The following FAM149B1 variants were observed in gnomAD, a reference collection of about 807,000 sequenced individuals.
FAM149B1 encodes family with sequence similarity 149 member B1.
FAM149B1 carries 56 observed loss-of-function variants against 75.3 expected under a neutral mutation model. That is an observed-to-expected ratio of 0.74 (90% CI 0.60 to 0.93). The LOEUF is 0.93. Among genes scored for constraint, FAM149B1 ranks in the 40% least tolerant of loss-of-function variants. FAM149B1 has a pLI of 0.00. For synonymous variants in FAM149B1, 259 were observed against 256.1 expected, an observed-to-expected ratio of 1.01 and a Z score of -0.11; for missense variants, 639 against 708.4, an observed-to-expected ratio of 0.90 and a Z score of 1.11.
chr10:73,228,112 G>A lies in FAM149B1; in HGVS notation c.951G>A (p.Val317=), dbSNP rs1589188072. Residue 317 remains valine, a synonymous_variant, in exon 8 of 14, where the codon GTG becomes GTA. Transcript: ENST00000242505. ...GACCCGATTCAGAAAGTTCCTGTGT[G>A]CTGAGTGAACTACATCCTTTGGTGT... ...VTRPDSESSC[V]LSELHPLVLP... is the part of the protein sequence containing the mutation. 1.3e-6 allele frequency: 2 copies of A among 1,551,304 alleles called. No individual in the cohort carries two copies. The highest frequency in any genetic ancestry group is 1.7e-6 in the Non-Finnish European group (2 of 1,146,602).
intron 3 of FAM149B1, among the ~76,000 whole-genome samples, chr10:73,184,732 A>G (rs1171364481): frequency 1.3e-5 from 2 of 152,216 alleles, no homozygotes; most frequent in Non-Finnish European, 2.9e-5. Context: ...ACTGAAAGAA[A>G]AGGGAAAAGC....
chr10:73,206,115 T>C (rs1415856323), intron 5 of FAM149B1, among the ~76,000 whole-genome samples: 7 of 152,138 alleles, frequency 4.6e-5, no homozygotes, highest in Admixed American at 2.6e-4. Flanking sequence ...CAGAAGGAAA[T>C]GAGGAACTTA....
chr10:73,212,568 G>A (rs2043208086), intron 7 of FAM149B1, among the ~76,000 whole-genome samples: 1 of 152,090 alleles, frequency 6.6e-6, no homozygotes, highest in South Asian at 2.1e-4. Context: ...GAGCCACTGC[G>A]CCTGGCTGTA....
intron 5 of FAM149B1, among the ~76,000 whole-genome samples, chr10:73,207,174 C>G (rs2043083915): frequency 6.6e-6 from 1 of 152,164 alleles, no homozygotes; most frequent in Non-Finnish European, 1.5e-5. Context: ...CACACAATTC[C>G]CACTGGGGCA....
At chr10:73,223,734 GT>G (rs11433486) in intron 7 of FAM149B1, among the ~76,000 whole-genome samples, 15,590 of 145,866 alleles carry the variant, frequency 0.11, 1,137 homozygotes, top group East Asian at 0.31. Flanking sequence ...TGTGTGTTAG[GT>G]TTTTTTTTTT....
At chr10:73,213,307 C>T (rs1468148606) in intron 7 of FAM149B1, among the ~76,000 whole-genome samples, 1 of 152,112 alleles carries the variant, frequency 6.6e-6, no homozygotes. Flanking sequence ...ATTTCTTTTG[C>T]TATGCAGAAG....
At chr10:73,203,167 G>A (rs2042979427) in intron 5 of FAM149B1, among the ~76,000 whole-genome samples, 1 of 152,146 alleles carries the variant, frequency 6.6e-6, no homozygotes, top group African/African-American at 2.4e-5. Flanking sequence ...CATGATATTC[G>A]CTTTCCACGT....
rs143979703 is a variant in FAM149B1 at position 73,213,404 on chromosome 10, A to G, written c.898+2966A>G. 3.3e-5 allele frequency among the ~76,000 whole-genome samples: 5 copies of G among 152,184 alleles called. No individual in the cohort carries two copies. The East Asian group carries it at 9.6e-4, about 29-fold the overall frequency. ...ACTTGGTCTTAAATTCTTTGCCTGG[A>G]CAATGTCCAGAAGACTTTTTCCTAG... On this transcript the variant is annotated intron_variant, in intron 7 of 13. Coordinates refer to ENST00000242505, the MANE Select transcript of FAM149B1 (RefSeq NM_173348.2).
intron 12 of FAM149B1, among the ~76,000 whole-genome samples, chr10:73,236,469 A>T (rs1428695750): frequency 7.0e-6 from 1 of 142,634 alleles, no homozygotes; most frequent in South Asian, 2.2e-4. Context: ...GGTGGAGTGT[A>T]ATGGCGCAAT....
At chr10:73,169,700 G>A (rs1176484948) in intron 1 of FAM149B1, among the ~76,000 whole-genome samples, 6 of 152,142 alleles carry the variant, frequency 3.9e-5, no homozygotes, top group African/African-American at 1.4e-4. Flanking sequence ...CTGGACTCAA[G>A]CGGTTCTCCC....
rs1564671713 is a variant in FAM149B1 at position 73,168,338 on chromosome 10, G to T, written c.-2G>T. 7 of 1,548,400 alleles carry T rather than the reference G, an allele frequency of 4.5e-6. No homozygotes were observed. Among genetic ancestry groups the T allele is most frequent in the Admixed American group, 2.0e-5 (1 of 50,934 alleles). ...AGGAGGAGGAGGAGGAGGAGGAGGA[G>T]GATGATCTCCAGATACACTCGGAAG... is the stretch of plus-strand genomic sequence containing the variant. On this transcript the variant is annotated 5_prime_UTR_variant, in exon 1 of 14. The change creates a new upstream start codon in the 5' untranslated region. Transcript: ENST00000242505.
At position 73,240,931 on chromosome 10, in the gene FAM149B1, T is replaced by A; in HGVS notation, c.1676-15T>A. 1 of 1,467,396 alleles carries A rather than the reference T, an allele frequency of 6.8e-7. No homozygotes were observed. Among genetic ancestry groups the A allele is most frequent in the Non-Finnish European group, 9.3e-7 (1 of 1,074,932 alleles). The allele number at this position is 1,467,396 out of a possible 1,614,324, so 90.9% of individuals were successfully genotyped here. On this transcript the variant is annotated splice_polypyrimidine_tract_variant and intron_variant, in intron 13 of 13. Coordinates refer to ENST00000242505, the MANE Select transcript of FAM149B1 (RefSeq NM_173348.2). ...CCTAGACTGTCTACTAATGTTACTC[T>A]ATGTCATCTGACAGGTCCTCAGTTA... is the stretch of plus-strand genomic sequence containing the variant.
chr10:73,214,534 C>G (rs886147883), intron 7 of FAM149B1, among the ~76,000 whole-genome samples: 3 of 152,030 alleles, frequency 2.0e-5, no homozygotes, highest in Non-Finnish European at 4.4e-5. Context: ...TTATCCAGTG[C>G]CTTTTGTGCA....
At chr10:73,231,864 A>C (rs1044748584) in intron 9 of FAM149B1, among the ~76,000 whole-genome samples, 1 of 152,032 alleles carries the variant, frequency 6.6e-6, no homozygotes, top group Non-Finnish European at 1.5e-5. Context: ...AACAAAATAA[A>C]GGTGAACATA....
rs1843877822 is a variant in FAM149B1, at chr10:73,174,866, G to T, written c.152+75G>T. 6.1e-6 allele frequency: 6 copies of T among 987,738 alleles called. No homozygotes were observed. In the Admixed American group the frequency reaches 6.4e-5, roughly 11 times the overall value. 61.2% of individuals were successfully genotyped at this position (987,738 alleles called of 1,614,324 possible). ...AGGTTTTGTTTTTTGGCTTAAGATT[G>T]GTGTCAAGCCTTGTGCTAATGAAAA... is the stretch of plus-strand genomic sequence containing the variant. On this transcript the variant is annotated intron_variant, in intron 2 of 13. Transcript: ENST00000242505.
At chr10:73,210,133 A>T in intron 6 of FAM149B1, 118 bp from the exon 7 acceptor site, 1 of 675,332 alleles carries the variant, frequency 1.5e-6, no homozygotes, top group Non-Finnish European at 2.5e-6. Context: ...TGTCAAATTA[A>T]TTCTATTTTC....
intron 1 of FAM149B1, among the ~76,000 whole-genome samples, chr10:73,170,523 T>A (rs944340218): frequency 3.3e-5 from 4 of 122,464 alleles, no homozygotes; most frequent in African/African-American, 1.6e-4. Flanking sequence ...AATAAATAAA[T>A]AAAAATAAGA....
chr10:73,169,372 C>G (rs1485700079), intron 1 of FAM149B1, among the ~76,000 whole-genome samples: 3 of 151,558 alleles, frequency 2.0e-5, no homozygotes, highest in Admixed American at 6.6e-5. Context: ...CTGCCCCCTA[C>G]CCTGACCGAA....
intron 5 of FAM149B1, among the ~76,000 whole-genome samples, chr10:73,199,464 T>C (rs12265178): frequency 0.15 from 23,321 of 151,924 alleles, 2,908 homozygotes; most frequent in African/African-American, 0.32. Context: ...TGGTCCACCC[T>C]CCTCAGCCTC....
Sources: allele counts gnomAD v4.1 joint callset (sites outside exome capture counted in the v4.1 genomes callset), GRCh38; gene constraint gnomAD v4.1.1; transcripts MANE v1.5; gene names NCBI Gene and HGNC (gene_info 2026-07-23, HGNC 2026-07-21).